The following CACNG2 variants were observed in gnomAD, a reference collection of about 807,000 sequenced individuals.
CACNG2 encodes the protein calcium voltage-gated channel auxiliary subunit gamma 2.
A neutral mutation model predicts 25.9 loss-of-function variants in CACNG2; 3 were observed. The observed-to-expected ratio is 0.12, with a 90% CI of 0.05 to 0.30. The LOEUF (loss-of-function observed/expected upper bound fraction) is 0.30. CACNG2 is among the 10% of genes least tolerant of loss of function. The probability of loss-of-function intolerance (pLI) is 1.00; values close to 1 mark genes in which losing one functional copy is unlikely to be tolerated. For synonymous variants in CACNG2, 167 were observed against 173.3 expected (o/e 0.96, Z 0.29); for missense variants, 341 against 432.5 (o/e 0.79, Z 1.88).
chr22:36,647,292 G>T (rs1440274411), intron 1 of CACNG2, among the ~76,000 whole-genome samples: 1 of 152,062 alleles, frequency 6.6e-6, no homozygotes, highest in African/African-American at 2.4e-5. Flanking sequence ...TAGCCAGAAG[G>T]GTTATTTAAA....
At position 36,562,753 on chromosome 22, in the gene CACNG2, G is replaced by A. The variant is rs1267861370; in HGVS notation, c.*1598C>T. The A allele has an allele frequency of 6.6e-6, 1 of 152,118 alleles. No homozygotes were observed. Among genetic ancestry groups the A allele is most frequent in the African/African-American group, 2.4e-5 (1 of 41,326 alleles). The allele number at this position is 152,118 out of a possible 1,614,324, so 9.4% of individuals were successfully genotyped here. On this transcript the variant is annotated 3_prime_UTR_variant, in exon 4 of 4. Transcript: ENST00000300105. ...GTGCCTGTGTGCGTGTGGGGTGTGT[G>A]GTCTCTTTCTTTGTTGGATTCTGTC...
At chr22:36,605,391 A>G (rs1028408423) in intron 1 of CACNG2, among the ~76,000 whole-genome samples, 2 of 152,182 alleles carry the variant, frequency 1.3e-5, no homozygotes, top group African/African-American at 2.4e-5. Flanking sequence ...TAACTTTTAT[A>G]TGCACTAGGA....
chr22:36,683,440 C>T (rs1175156029), intron 1 of CACNG2, among the ~76,000 whole-genome samples: 1 of 152,188 alleles, frequency 6.6e-6, no homozygotes, highest in Non-Finnish European at 1.5e-5. Flanking sequence ...TGACCCAGCA[C>T]CTGGGTTCCT....
intron 1 of CACNG2, among the ~76,000 whole-genome samples, chr22:36,672,582 C>T (rs929464765): frequency 2.3e-4 from 35 of 152,258 alleles, no homozygotes; most frequent in African/African-American, 7.2e-4. Flanking sequence ...CTTAAGAAGT[C>T]GGATTCCCCC....
At chr22:36,581,305 TG>T (rs1935414744) in intron 2 of CACNG2, among the ~76,000 whole-genome samples, 1 of 152,156 alleles carries the variant, frequency 6.6e-6, no homozygotes, top group African/African-American at 2.4e-5. Flanking sequence ...CAGGAGAGGC[TG>T]GGGGACTCCT....
chr22:36,699,979 C>T (rs555033024), intron 1 of CACNG2, among the ~76,000 whole-genome samples: 6 of 152,354 alleles, frequency 3.9e-5, no homozygotes, highest in African/African-American at 7.2e-5. Flanking sequence ...ATTAAAGGCC[C>T]GGTCAAAAGC....
chr22:36,605,787 C>T (rs1935822239), intron 1 of CACNG2, among the ~76,000 whole-genome samples: 2 of 152,204 alleles, frequency 1.3e-5, no homozygotes, highest in Non-Finnish European at 2.9e-5. Context: ...AAGAAGCTCA[C>T]AGACTAGTAG....
At chr22:36,572,814 A>G (rs1935254107) in intron 2 of CACNG2, among the ~76,000 whole-genome samples, 1 of 152,148 alleles carries the variant, frequency 6.6e-6, no homozygotes, top group Non-Finnish European at 1.5e-5. Flanking sequence ...TACTGGGGAA[A>G]AGGCCACGTG....
intron 1 of CACNG2, among the ~76,000 whole-genome samples, chr22:36,660,654 C>T (rs986484874): frequency 6.6e-6 from 1 of 152,210 alleles, no homozygotes; most frequent in Non-Finnish European, 1.5e-5. Flanking sequence ...GCGGGCGGGG[C>T]GGGGCAGCGT....
Position 36,564,919 on chromosome 22 carries a change from A to G in CACNG2, c.437-33T>C. On this transcript the variant is annotated intron_variant, in intron 3 of 3. Coordinates refer to ENST00000300105, the MANE Select transcript of CACNG2 (RefSeq NM_006078.5). This position sits in a 1 kb window ranked among gnomAD's most constrained non-coding sequence, Gnocchi z 6.7. ...GCGCAGGGTGGCGGGGTGGGGGATC[A>G]GAGAGAAGGACGTTAGTTTCTCAGG... is the stretch of plus-strand genomic sequence containing the variant. 2 of 1,592,236 alleles carry G rather than the reference A, an allele frequency of 1.3e-6. No homozygotes were observed. The highest frequency in any genetic ancestry group is 1.7e-6 in the Non-Finnish European group (2 of 1,169,150).
At chr22:36,694,791 C>T (rs1017459371) in intron 1 of CACNG2, among the ~76,000 whole-genome samples, 1 of 152,228 alleles carries the variant, frequency 6.6e-6, no homozygotes, top group Non-Finnish European at 1.5e-5. Flanking sequence ...CCACTGTCAA[C>T]ACATTTTTAA....
rs879529506 is a variant in CACNG2 at position 36,610,273 on chromosome 22, AGC to A, written c.212-22727_212-22726del. On this transcript the variant is annotated intron_variant, in intron 1 of 3. Coordinates refer to ENST00000300105, the MANE Select transcript of CACNG2 (RefSeq NM_006078.5). ...TGATTGGGAGGAATCAGCCCCTTAG[AGC>A]GTGATTGGGCAGGAATCAGCCGCTT... Among the ~76,000 whole-genome samples, 357 of 149,640 alleles carry A rather than the reference AGC, an allele frequency of 2.4e-3. 1 individual carries two copies. The highest frequency in any genetic ancestry group is 4.5e-3 in the South Asian group (21 of 4,628).
Position 36,702,788 on chromosome 22 carries a change from C to T in CACNG2, c.-212G>A, listed in dbSNP as rs2146024703. On this transcript the variant is annotated 5_prime_UTR_variant, in exon 1 of 4. The change creates a new upstream start codon in the 5' untranslated region. Transcript: ENST00000300105. ...AAGAGTGTAAATTATAAAGATCACA[C>T]GGGAAGAGGCTTGCCTTTTGAGATC... 2 of 469,484 alleles carry T rather than the reference C, an allele frequency of 4.3e-6. No individual in the cohort carries two copies. The highest frequency in any genetic ancestry group is 6.9e-5 in the South Asian group (2 of 29,194). 29.1% of individuals were successfully genotyped at this position (469,484 alleles called of 1,614,324 possible).
chr22:36,641,912 C>T (rs933708384), intron 1 of CACNG2, among the ~76,000 whole-genome samples: 1 of 152,176 alleles, frequency 6.6e-6, no homozygotes, highest in African/African-American at 2.4e-5. Flanking sequence ...TTAGCATTAT[C>T]AGAAACATGT....
intron 1 of CACNG2, among the ~76,000 whole-genome samples, chr22:36,655,714 TC>T (rs1936692711): frequency 2.2e-5 from 3 of 133,388 alleles, no homozygotes; most frequent in African/African-American, 1.2e-4. Flanking sequence ...TTTCTCTTTC[TC>T]TTTCTTTCTT....
intron 1 of CACNG2, among the ~76,000 whole-genome samples, chr22:36,655,425 A>G (rs972373140): frequency 6.6e-6 from 1 of 152,154 alleles, no homozygotes; most frequent in East Asian, 1.9e-4. Flanking sequence ...TAGTTTCTTC[A>G]TAGTTCTATT....
chr22:36,601,211 CT>C (rs545750233), intron 1 of CACNG2, among the ~76,000 whole-genome samples: 27 of 149,134 alleles, frequency 1.8e-4, no homozygotes, highest in Non-Finnish European at 3.4e-4. Flanking sequence ...TGATATTTGA[CT>C]TTTTTTTTTG....
intron 1 of CACNG2, among the ~76,000 whole-genome samples, chr22:36,650,650 T>C (rs1376463859): frequency 6.6e-6 from 1 of 152,226 alleles, no homozygotes; most frequent in Non-Finnish European, 1.5e-5. Flanking sequence ...GTGCTAGGAT[T>C]GCAGGTGTGA....
intron 1 of CACNG2, among the ~76,000 whole-genome samples, chr22:36,663,448 G>C (rs1936828776): frequency 6.6e-6 from 1 of 152,004 alleles, no homozygotes; most frequent in South Asian, 2.1e-4. Flanking sequence ...CAATATTAAA[G>C]TTCAAGCGCT....
Sources: gnomAD v4.1 joint callset for allele counts (sites outside exome capture counted in the v4.1 genomes callset) on GRCh38, gnomAD v4.1.1 for gene constraint, Gnocchi (gnomAD v3.1) non-coding constraint, MANE v1.5 for transcripts, NCBI Gene and HGNC (gene_info 2026-07-23, HGNC 2026-07-21) for gene names.